Variants in TTC8 observed in about 807,000 individuals in gnomAD.
TTC8 encodes tetratricopeptide repeat domain 8, also known as tetratricopeptide repeat protein 8.
Under a neutral mutation model 72.5 loss-of-function variants are expected in TTC8, and 47 were observed. The ratio of observed to expected loss-of-function variants is 0.65; its 90% CI spans 0.51 to 0.83. TTC8 has a LOEUF of 0.83. TTC8 is among the 40% of genes least tolerant of loss of function. The probability of loss-of-function intolerance (pLI) is 0.00; values close to 1 mark genes in which losing one functional copy is unlikely to be tolerated. For synonymous variants in TTC8, 199 were observed against 221.4 expected (o/e 0.90, Z 0.90); for missense variants, 611 against 623.2 (o/e 0.98, Z 0.21).
In TTC8 at chr14:88,877,363, A is replaced by G. The variant is rs775507611; in HGVS notation, c.1501A>G (p.Thr501Ala). The change falls in exon 15 of 15, where the codon ACA (threonine) becomes GCA (alanine). Residue 501 changes from threonine to alanine, a missense_variant. Transcript: ENST00000380656. ...AGCAGCATTTCCAGACCATGTGGACACACAACATTTAATTAAACAATTAAG... is the reference window on the plus strand; with the variant it reads ...AGCAGCATTTCCAGACCATGTGGACGCACAACATTTAATTAAACAATTAAG... ...SEAAFPDHVD[T>A]QHLIKQLRQH... 2.5e-6 allele frequency: 4 copies of G among 1,613,840 alleles called. No individual in the cohort carries two copies. The highest frequency in any genetic ancestry group is 4.5e-5 in the East Asian group (2 of 44,828).
intron 10 of TTC8, among the ~76,000 whole-genome samples, chr14:88,868,637 A>G (rs761307757): frequency 6.6e-5 from 10 of 152,196 alleles, no homozygotes; most frequent in Non-Finnish European, 1.2e-4. Context: ...CTTAAAATGG[A>G]TAGCATCTTT....
intron 10 of TTC8, among the ~76,000 whole-genome samples, chr14:88,867,959 G>T (rs2094918457): frequency 1.3e-5 from 2 of 152,322 alleles, no homozygotes; most frequent in African/African-American, 4.8e-5. Context: ...ACTGGTGAAT[G>T]TTTTGTTAGG....
downstream of TTC8, chr14:88,879,950 T>G (rs1249946026): frequency 1.3e-5 from 2 of 152,204 alleles, no homozygotes; most frequent in African/African-American, 2.4e-5. Flanking sequence ...GTGCTAAGAT[T>G]ACAGGTGTGA....
At chr14:88,844,625 G>A (rs189257918) in intron 7 of TTC8, among the ~76,000 whole-genome samples, 3 of 151,714 alleles carry the variant, frequency 2.0e-5, no homozygotes, top group Admixed American at 2.0e-4. Context: ...GCTCACTGTA[G>A]CCTTGACTTC....
At chr14:88,827,265 G>A (rs77353596) in intron 1 of TTC8, among the ~76,000 whole-genome samples, 1,587 of 152,100 alleles carry the variant, frequency 0.01, 22 homozygotes, top group African/African-American at 0.037. Flanking sequence ...TCCCTTATCC[G>A]AAAAGCTTGT....
intron 7 of TTC8, among the ~76,000 whole-genome samples, chr14:88,849,979 T>G (rs1006316887): frequency 7.2e-5 from 11 of 152,140 alleles, no homozygotes; most frequent in Admixed American, 2.6e-4. Flanking sequence ...AAGGATGACT[T>G]TTTTTAAACT....
intron 10 of TTC8, among the ~76,000 whole-genome samples, chr14:88,869,504 A>C (rs1320881086): frequency 4.6e-5 from 7 of 152,064 alleles, no homozygotes; most frequent in South Asian, 2.1e-4. Flanking sequence ...AACTAGAAAA[A>C]AAAAAATCTG....
In TTC8 at chr14:88,871,553, C is replaced by A; in HGVS notation, c.1054C>A (p.Leu352Met). 1 of 1,613,826 alleles carries A rather than the reference C, an allele frequency of 6.2e-7. No homozygotes were observed. The highest frequency in any genetic ancestry group is 8.5e-7 in the Non-Finnish European group (1 of 1,179,986). Residue 352 changes from leucine (L) to methionine (M), a missense_variant, in exon 12 of 15, where the codon CTG becomes ATG. Leu to Met is a conservative substitution (Grantham distance 15). Transcript: ENST00000380656. This position sits in a 1 kb window ranked among gnomAD's most constrained non-coding sequence, Gnocchi z 4.1. ...PEIALRFYRRLLQMGIYNGQL... is the reference protein window; with the variant it reads ...PEIALRFYRRMLQMGIYNGQL... The stretch of plus-strand genomic sequence containing the variant: ...TGTGTGTTCTTTTTTGAAAAGGCGG[C>A]TGCTGCAGATGGGCATTTATAACGG...
At chr14:88,866,910 A>G (rs1224086911) in intron 10 of TTC8, among the ~76,000 whole-genome samples, 1 of 152,246 alleles carries the variant, frequency 6.6e-6, no homozygotes, top group Non-Finnish European at 1.5e-5. Flanking sequence ...GACAAAAAAT[A>G]TGAATTGGCA....
At chr14:88,866,815 C>T (rs2094911964) in intron 10 of TTC8, among the ~76,000 whole-genome samples, 1 of 152,198 alleles carries the variant, frequency 6.6e-6, no homozygotes, top group Non-Finnish European at 1.5e-5. Context: ...TCCAGCTCTC[C>T]TGTGTCCAGG....
intron 10 of TTC8, among the ~76,000 whole-genome samples, chr14:88,869,413 G>C (rs2094924119): frequency 1.3e-5 from 2 of 151,572 alleles, no homozygotes; most frequent in Admixed American, 6.6e-5. Context: ...TTCCTATTTT[G>C]GTATGTCTAG....
intron 9 of TTC8, among the ~76,000 whole-genome samples, chr14:88,858,573 A>G (rs1291154826): frequency 6.6e-6 from 1 of 151,798 alleles, no homozygotes; most frequent in African/African-American, 2.4e-5. Context: ...TTTATCTTCT[A>G]TATGTGATAT....
chr14:88,871,120 G>A lies in TTC8; in HGVS notation c.1050-429G>A, dbSNP rs1222164459. On this transcript the variant is annotated intron_variant, in intron 11 of 14. Transcript: ENST00000380656. This position sits in a 1 kb window ranked among gnomAD's most constrained non-coding sequence, Gnocchi z 4.1. Reference sequence around the variant, plus strand: ...ACACAGCTGAAGCACAAAGTACAGCGAGCCAAAAACGGGATCCAGTCAGCT... The same window carrying A: ...ACACAGCTGAAGCACAAAGTACAGCAAGCCAAAAACGGGATCCAGTCAGCT... 3.3e-5 allele frequency among the ~76,000 whole-genome samples: 5 copies of A among 152,184 alleles called. No individual in the cohort carries two copies. Among genetic ancestry groups the A allele is most frequent in the Non-Finnish European group, 5.9e-5 (4 of 68,040 alleles).
intron 2 of TTC8, chr14:88,833,983 A>G (rs190889924): frequency 5.3e-4 from 263 of 499,140 alleles, no homozygotes; most frequent in African/African-American, 4.5e-3. Flanking sequence ...ACCAAGATGG[A>G]TTAGAAGGAT....
chr14:88,846,082 G>T (rs1481612626), intron 7 of TTC8, among the ~76,000 whole-genome samples: 1 of 152,118 alleles, frequency 6.6e-6, no homozygotes, highest in Non-Finnish European at 1.5e-5. Context: ...TGAGGCAGGT[G>T]TATCACTGGA....
At chr14:88,849,348 G>A (rs1340299057) in intron 7 of TTC8, among the ~76,000 whole-genome samples, 1 of 152,036 alleles carries the variant, frequency 6.6e-6, no homozygotes, top group African/African-American at 2.4e-5. Flanking sequence ...TAGATAATAA[G>A]TATAAAGCAT....
chr14:88,877,819 C>T lies in TTC8; in HGVS notation c.*409C>T, dbSNP rs1195144719. 6.3e-6 allele frequency: 1 copy of T among 157,760 alleles called. No individual in the cohort carries two copies. Among genetic ancestry groups the T allele is most frequent in the Admixed American group, 6.3e-5 (1 of 15,984 alleles). The allele number at this position is 157,760 out of a possible 1,614,324, so 9.8% of individuals were successfully genotyped here. A position where few individuals can be genotyped will look rare whatever the true frequency, so the allele number is the denominator to read the frequency against. On this transcript the variant is annotated 3_prime_UTR_variant, in exon 15 of 15. Coordinates refer to ENST00000380656, the MANE Select transcript of TTC8 (RefSeq NM_144596.4). The stretch of plus-strand genomic sequence containing the variant: ...CTGCCATTAAAACTGCACCTTTAAG[C>T]CAGGTGTGGTAGCATGTGCCTATAG...
At position 88,864,833 on chromosome 14, in the gene TTC8, G is replaced by A. The variant is rs570322939; in HGVS notation, c.909+3501G>A. 2.3e-3 allele frequency among the ~76,000 whole-genome samples: 347 copies of A among 152,266 alleles called. 1 individual carries two copies. The highest frequency in any genetic ancestry group is 8.0e-3 in the African/African-American group (331 of 41,538). ...CAGTGTATTCTTTTTCTCTTCATGT[G>A]ACAATAGATGTCCAGTTAATCAGTA... is the stretch of plus-strand genomic sequence containing the variant. On this transcript the variant is annotated intron_variant, in intron 10 of 14. Transcript: ENST00000380656.
In TTC8 at chr14:88,857,240, A is replaced by G. The variant is rs2094860847; in HGVS notation, c.761A>G (p.Gln254Arg). The change falls in exon 9 of 15, where the codon CAG (glutamine) becomes CGG (arginine). Residue 254 changes from glutamine (Q) to arginine (R), a missense_variant. Coordinates refer to ENST00000380656, the MANE Select transcript of TTC8 (RefSeq NM_144596.4). ...AEKQFKSALKQQEMVDTFLYL... is the reference protein window; with the variant it reads ...AEKQFKSALKRQEMVDTFLYL... ...AAACAGTTTAAATCAGCCCTGAAGC[A>G]GCAGGAAATGGTAGATACATTTCTG... is the stretch of plus-strand genomic sequence containing the variant. 6.2e-7 allele frequency: 1 copy of G among 1,613,844 alleles called. No individual in the cohort carries two copies. Among genetic ancestry groups the G allele is most frequent in the Admixed American group, 1.7e-5 (1 of 59,988 alleles).
Sources: gnomAD v4.1 joint callset for allele counts (sites outside exome capture counted in the v4.1 genomes callset) on GRCh38, gnomAD v4.1.1 for gene constraint, Gnocchi (gnomAD v3.1) non-coding constraint, MANE v1.5 for transcripts, NCBI Gene and HGNC (gene_info 2026-07-23, HGNC 2026-07-21) for gene names.